SCIN: variants seen among roughly 807,000 people sequenced by gnomAD.
SCIN encodes the protein scinderin, also known as adseverin.
A neutral mutation model predicts 91.8 loss-of-function variants in SCIN; 91 were observed. The observed-to-expected ratio is 0.99, with a 90% CI of 0.84 to 1.18. The LOEUF (loss-of-function observed/expected upper bound fraction) is 1.18, where lower values mean the gene tolerates loss of function less well. Ranked by LOEUF, SCIN falls within the 50% of genes most tolerant of loss-of-function variation. The probability of loss-of-function intolerance (pLI) is 0.00; values close to 1 mark genes in which losing one functional copy is unlikely to be tolerated. For missense variants in SCIN, 1,087 were observed against 863.9 expected (o/e 1.26, Z -3.24); for synonymous variants, 367 against 312.6 (o/e 1.17, Z -1.84).
At chr7:12,625,900 C>G (rs775158830) in intron 7 of SCIN, 50 bp downstream of exon 7, 65 of 1,322,894 alleles carry the variant, frequency 4.9e-5, no homozygotes, top group Non-Finnish European at 6.6e-5. Context: ...CATTGGAGCT[C>G]ATGACATCTC....
At position 12,657,051 on chromosome 7, in the gene SCIN, C is replaced by T. The variant is rs1784175155; in HGVS notation, c.*4336C>T. On this transcript the variant is annotated 3_prime_UTR_variant, in exon 16 of 16. Coordinates refer to ENST00000297029, the MANE Select transcript of SCIN (RefSeq NM_001112706.3). ...GAGGATATAGTGAAACTGGAGCTTACATCCACTACTTGGGAAGTATAAATT... is the reference window on the plus strand; with the variant it reads ...GAGGATATAGTGAAACTGGAGCTTATATCCACTACTTGGGAAGTATAAATT... 6.6e-6 allele frequency: 1 copy of T among 151,884 alleles called. No homozygotes were observed. The highest frequency in any genetic ancestry group is 2.4e-5 in the African/African-American group (1 of 41,334). The allele number at this position is 151,884 out of a possible 1,614,324, so 9.4% of individuals were successfully genotyped here.
At chr7:12,608,715 G>T (rs1299428272) in intron 4 of SCIN, among the ~76,000 whole-genome samples, 1 of 152,122 alleles carries the variant, frequency 6.6e-6, no homozygotes, top group Non-Finnish European at 1.5e-5. Context: ...CTGACCTTGT[G>T]ATCCGCCGGC....
chr7:12,587,570 A>C (rs996879213), intron 3 of SCIN, among the ~76,000 whole-genome samples: 17 of 152,076 alleles, frequency 1.1e-4, no homozygotes, highest in Non-Finnish European at 2.2e-4. Context: ...TCTGTCAGCC[A>C]CTACTGCATT....
chr7:12,642,681 T>A (rs1229870556), intron 11 of SCIN, among the ~76,000 whole-genome samples: 1 of 151,040 alleles, frequency 6.6e-6, no homozygotes, highest in Non-Finnish European at 1.5e-5. Context: ...CTGATCTCAT[T>A]TTTCTCAACC....
intron 3 of SCIN, among the ~76,000 whole-genome samples, chr7:12,589,943 A>C (rs112769043): frequency 0.022 from 3,286 of 152,234 alleles, 52 homozygotes; most frequent in Non-Finnish European, 0.034. Context: ...AGGGAGGTCC[A>C]TGGTTTTTGG....
rs1784184461 is a variant in SCIN, at chr7:12,657,549, T to C, written c.*4834T>C. The C allele has an allele frequency of 5.2e-5, 1 of 19,122 alleles. No homozygotes were observed. The highest frequency in any genetic ancestry group is 6.5e-4 in the Admixed American group (1 of 1,534). The allele number at this position is 19,122 out of a possible 1,614,324, so 1.2% of individuals were successfully genotyped here. ...TTATATATGTGTGTGTATATATATA[T>C]ATATATATATATATATATATATATT... On this transcript the variant is annotated 3_prime_UTR_variant, in exon 16 of 16. Transcript: ENST00000297029.
rs1491092212 is a variant in SCIN at position 12,657,573 on chromosome 7, T to TATATATATATATATATATA, written c.*4858_*4859insATATATATATATATATATA. 6.5e-5 allele frequency: 1 copy of TATATATATATATATATATA among 15,296 alleles called. No individual in the cohort carries two copies. The highest frequency in any genetic ancestry group is 1.1e-4 in the Non-Finnish European group (1 of 8,732). 0.9% of individuals were successfully genotyped at this position (15,296 alleles called of 1,614,324 possible). On this transcript the variant is annotated 3_prime_UTR_variant, in exon 16 of 16. Transcript: ENST00000297029. ...ATATATATATATATATATATATATA[T>TATATATATATATATATATA]TTTTTTTTTTTTTTTTTTTTTTTTT...
chr7:12,632,630 T>C (rs1783669774), intron 9 of SCIN, among the ~76,000 whole-genome samples: 1 of 152,204 alleles, frequency 6.6e-6, no homozygotes, highest in African/African-American at 2.4e-5. Flanking sequence ...CCAGAAAAAC[T>C]GTTAATGGGG....
chr7:12,580,972 C>T, intron 2 of SCIN, 88 bp from the exon 3 acceptor site: 1 of 1,322,360 alleles, frequency 7.6e-7, no homozygotes, highest in South Asian at 1.5e-5. Context: ...CAAACACCAG[C>T]AGTATTATTG....
intron 4 of SCIN, among the ~76,000 whole-genome samples, chr7:12,615,014 A>G (rs1304247040): frequency 6.6e-6 from 1 of 152,190 alleles, no homozygotes; most frequent in Non-Finnish European, 1.5e-5. Context: ...TAACTTGCTT[A>G]AGTAGAAATA....
intron 11 of SCIN, among the ~76,000 whole-genome samples, chr7:12,641,785 C>T (rs1783864226): frequency 6.6e-6 from 1 of 152,022 alleles, no homozygotes; most frequent in African/African-American, 2.4e-5. Context: ...CCGCTGCCTC[C>T]TTCACACCCC....
At chr7:12,621,210 T>G (rs570667886) in intron 4 of SCIN, among the ~76,000 whole-genome samples, 8 of 152,244 alleles carry the variant, frequency 5.3e-5, no homozygotes, top group Non-Finnish European at 1.2e-4. Context: ...TATACCCCAG[T>G]GACCTCAAAT....
chr7:12,609,390 T>G (rs1318495474), intron 4 of SCIN, among the ~76,000 whole-genome samples: 3 of 152,216 alleles, frequency 2.0e-5, no homozygotes, highest in African/African-American at 7.2e-5. Flanking sequence ...TTCGTGATCT[T>G]TCTTCTTTTC....
rs764568798 is a variant in SCIN at position 12,570,766 on chromosome 7, G to T, written c.-21G>T. 1 of 1,547,236 alleles carries T rather than the reference G, an allele frequency of 6.5e-7. No homozygotes were observed. Among genetic ancestry groups the T allele is most frequent in the South Asian group, 1.2e-5 (1 of 83,758 alleles). On this transcript the variant is annotated 5_prime_UTR_variant, in exon 1 of 16. Transcript: ENST00000297029. ...AGATCAGCGATATCACGCGTCCCCC[G>T]GAGCATCGCGTGCAGGAGCCATGGC...
intron 10 of SCIN, among the ~76,000 whole-genome samples, chr7:12,639,327 T>G (rs1783812917): frequency 6.6e-6 from 1 of 152,258 alleles, no homozygotes; most frequent in Non-Finnish European, 1.5e-5. Flanking sequence ...GCTCACTTAT[T>G]TGAATGCCTA....
chr7:12,578,093 G>A lies in SCIN; in HGVS notation c.229G>A (p.Ala77Thr). 1.3e-6 allele frequency: 2 copies of A among 1,547,792 alleles called. No homozygotes were observed. The highest frequency in any genetic ancestry group is 2.7e-5 in the African/African-American group (2 of 72,806). ...GKECSQDEST[A>T]AAIFTVQMDD... ...GGAGTGTTCCCAGGATGAAAGCACA[G>A]CTGCTGCCATCTTCACTGTTCAGAT... is the stretch of plus-strand genomic sequence containing the variant. The change falls in exon 2 of 16, where the codon GCT becomes ACT. Residue 77 changes from alanine to threonine, a missense_variant. Physicochemically the swap from Ala to Thr is moderately conservative, Grantham distance 58 (BLOSUM62 0). Coordinates refer to ENST00000297029, the MANE Select transcript of SCIN (RefSeq NM_001112706.3).
chr7:12,645,806 C>T (rs771052219), intron 13 of SCIN, among the ~76,000 whole-genome samples: 1 of 152,164 alleles, frequency 6.6e-6, no homozygotes, highest in Non-Finnish European at 1.5e-5. Context: ...AATGTGAAAG[C>T]ATTAATGTTG....
At chr7:12,586,207 GT>G (rs1266266272) in intron 3 of SCIN, among the ~76,000 whole-genome samples, 1 of 152,140 alleles carries the variant, frequency 6.6e-6, no homozygotes, top group African/African-American at 2.4e-5. Context: ...TGTCTACAGT[GT>G]TTTTTAATTC....
In SCIN at chr7:12,581,138, C is replaced by G. The variant is rs1240355130; in HGVS notation, c.433C>G (p.Arg145Gly). The G allele has an allele frequency of 1.9e-6, 3 of 1,551,258 alleles. No individual in the cohort carries two copies. The highest frequency in any genetic ancestry group is 1.4e-5 in the African/African-American group (1 of 72,996). ...TAKRLLHVKGRRVVRATEVPL... is the reference protein window; with the variant it reads ...TAKRLLHVKGGRVVRATEVPL... ...CAAGAGGCTCCTACATGTGAAGGGTCGTAGAGTGGTGAGAGCCACAGAAGT... is the reference window on the plus strand; with the variant it reads ...CAAGAGGCTCCTACATGTGAAGGGTGGTAGAGTGGTGAGAGCCACAGAAGT... Residue 145 changes from arginine to glycine, a missense_variant, in exon 3 of 16, where the codon CGT (arginine) becomes GGT (glycine). Arg to Gly is a moderately radical substitution (Grantham distance 125). Transcript: ENST00000297029.
Sources: allele counts gnomAD v4.1 joint callset (sites outside exome capture counted in the v4.1 genomes callset), GRCh38; gene constraint gnomAD v4.1.1; transcripts MANE v1.5; gene names NCBI Gene and HGNC (gene_info 2026-07-23, HGNC 2026-07-21).